Variants in RGSL1 observed in about 807,000 individuals in gnomAD.
RGSL1 encodes regulator of G protein signaling like 1, also known as regulator of G protein signaling protein-like.
A neutral mutation model predicts 124.7 loss-of-function variants in RGSL1; 97 were observed. The observed-to-expected ratio is 0.78, with a 90% CI of 0.66 to 0.92. RGSL1 has a LOEUF of 0.92. RGSL1 is among the 40% of genes least tolerant of loss of function. The pLI, the probability that RGSL1 is intolerant of heterozygous loss-of-function variation, is 0.00. For missense variants in RGSL1, 1,233 were observed against 1,288.4 expected (o/e 0.96, Z 0.66); for synonymous variants, 424 against 438.1 (o/e 0.97, Z 0.40).
rs867051673 is a variant in RGSL1, at chr1:182,452,447, C to T, written c.14-1511C>T. 3.3e-5 allele frequency among the ~76,000 whole-genome samples: 5 copies of T among 151,066 alleles called. No homozygotes were observed. In the South Asian group the frequency reaches 1.0e-3, roughly 32 times the overall value. On this transcript the variant is annotated intron_variant, in intron 1 of 21. Transcript: ENST00000294854. The stretch of plus-strand genomic sequence containing the variant: ...CTCTGTCACTCACAATAGTGTTTAT[C>T]TGGGTTTCCTTTTTTTTTTTTTTGA...
chr1:182,519,456 C>T (rs1186208981), intron 9 of RGSL1, among the ~76,000 whole-genome samples: 1 of 151,276 alleles, frequency 6.6e-6, no homozygotes, highest in African/African-American at 2.4e-5. Flanking sequence ...TGTCAGTTTT[C>T]ATTGACATTG....
At chr1:182,535,674 C>T (rs1659490365) in intron 14 of RGSL1, among the ~76,000 whole-genome samples, 1 of 152,192 alleles carries the variant, frequency 6.6e-6, no homozygotes, top group Non-Finnish European at 1.5e-5. Context: ...ACATTCCCCT[C>T]AAATTATCTG....
Position 182,493,056 on chromosome 1 carries a change from C to T in RGSL1, c.1752C>T (p.Tyr584=). ...ITKMSFEELC[Y]KNPKMAIQKI... is the part of the protein sequence containing the mutation. ...AAATGTCCTTTGAGGAGCTTTGCTACAAGAACCCAAAGATGGCCATACAGA... is the reference window on the plus strand; with the variant it reads ...AAATGTCCTTTGAGGAGCTTTGCTATAAGAACCCAAAGATGGCCATACAGA... The change falls in exon 9 of 22, where the codon TAC becomes TAT. Residue 584 remains tyrosine, a synonymous_variant. Coordinates refer to ENST00000294854, the MANE Select transcript of RGSL1 (RefSeq NM_001137669.2). 1 of 1,551,702 alleles carries T rather than the reference C, an allele frequency of 6.4e-7. No individual in the cohort carries two copies. The highest frequency in any genetic ancestry group is 1.7e-4 in the Middle Eastern group (1 of 5,994).
Position 182,532,735 on chromosome 1 carries a change from G to A in RGSL1, c.2438G>A (p.Ser813Asn), listed in dbSNP as rs1659264276. 1.9e-6 allele frequency: 3 copies of A among 1,550,984 alleles called. No individual in the cohort carries two copies. Among genetic ancestry groups the A allele is most frequent in the Non-Finnish European group, 2.6e-6 (3 of 1,146,514 alleles). Residue 813 changes from serine (S) to asparagine (N), a missense_variant, in exon 14 of 22, where the codon AGT becomes AAT. Transcript: ENST00000294854. ...TACCGCAGATTTATGTTGAATCCTA[G>A]TAAGCGCCAGGAATTTGAAGACTAT... ...CKYRRFMLNP[S>N]KRQEFEDYLH... is the part of the protein sequence containing the mutation.
At chr1:182,485,030 A>C (rs934192173) in intron 6 of RGSL1, among the ~76,000 whole-genome samples, 7 of 150,748 alleles carry the variant, frequency 4.6e-5, no homozygotes, top group African/African-American at 1.7e-4. Context: ...CACAGTGTCA[A>C]CTCCTTCTCT....
chr1:182,471,409 G>A (rs1227529836), intron 4 of RGSL1: 1 of 456,664 alleles, frequency 2.2e-6, no homozygotes, highest in African/African-American at 2.0e-5. Flanking sequence ...GGTTGTTCCT[G>A]GGGCTTTTGC....
intron 1 of RGSL1, 121 bp from the exon 2 acceptor site, chr1:182,453,837 A>G: frequency 1.5e-6 from 1 of 645,850 alleles, no homozygotes; most frequent in East Asian, 2.7e-5. Context: ...GCATGACCCT[A>G]GAGGCTGTCA....
rs1344881998 is a variant in RGSL1, at chr1:182,556,784, TC to T, written c.*165+563del. Among the ~76,000 whole-genome samples the T allele has an allele frequency of 6.6e-5, 10 of 152,202 alleles. No homozygotes were observed. The East Asian group carries it at 1.9e-3, about 29-fold the overall frequency. ...TTTGACCTAAAGCCCTAAACTATTG[TC>T]ATAATTTTAAATGAATAGGCCTATT... On this transcript the variant is annotated intron_variant, in intron 21 of 21. Transcript: ENST00000294854.
chr1:182,477,649 T>C (rs1053206910), intron 6 of RGSL1, among the ~76,000 whole-genome samples: 24 of 152,118 alleles, frequency 1.6e-4, no homozygotes, highest in African/African-American at 5.8e-4. Flanking sequence ...CTGCAGACCT[T>C]GAGACAGCCC....
intron 4 of RGSL1, 82 bp from the exon 5 acceptor site, chr1:182,472,314 A>G (rs1571508902): frequency 7.9e-7 from 1 of 1,265,778 alleles, no homozygotes; most frequent in Non-Finnish European, 1.1e-6. Flanking sequence ...CTGGTGGGGG[A>G]TGTCAGTTGA....
At chr1:182,512,510 C>T (rs1461175202) in intron 9 of RGSL1, among the ~76,000 whole-genome samples, 1 of 152,146 alleles carries the variant, frequency 6.6e-6, no homozygotes, top group Admixed American at 6.5e-5. Context: ...CGCAGACAGG[C>T]AGGTTCAGGA....
At position 182,533,337 on chromosome 1, in the gene RGSL1, C is replaced by G. The variant is rs151099089; in HGVS notation, c.2494+546C>G. Among the ~76,000 whole-genome samples, 975 of 143,404 alleles carry G rather than the reference C, an allele frequency of 6.8e-3. 15 individuals carry two copies. Among genetic ancestry groups the G allele is most frequent in the Middle Eastern group, 0.03 (8 of 264 alleles). 94.1% of individuals were successfully genotyped at this position (143,404 alleles called of 152,430 possible). On this transcript the variant is annotated intron_variant, in intron 14 of 21. Transcript: ENST00000294854. ...TTGTTCAACAATGTATCTTGGACAT[C>G]ATTTTATGTCAGTACACATATATCT...
intron 9 of RGSL1, among the ~76,000 whole-genome samples, chr1:182,497,899 C>G (rs748899231): frequency 6.6e-6 from 1 of 152,080 alleles, no homozygotes; most frequent in Non-Finnish European, 1.5e-5. Context: ...GTTCCCACCC[C>G]TCTTTTTGTA....
At chr1:182,453,724 C>T (rs917465028) in intron 1 of RGSL1, among the ~76,000 whole-genome samples, 5 of 152,140 alleles carry the variant, frequency 3.3e-5, no homozygotes, top group Admixed American at 1.3e-4. Flanking sequence ...TCTTCATAAA[C>T]GGAATGGGCA....
At chr1:182,481,095 T>G (rs780533139) in intron 6 of RGSL1, among the ~76,000 whole-genome samples, 1 of 151,776 alleles carries the variant, frequency 6.6e-6, no homozygotes, top group Non-Finnish European at 1.5e-5. Context: ...AAGAAGAGGA[T>G]GAAGATTAGA....
intron 9 of RGSL1, among the ~76,000 whole-genome samples, chr1:182,495,674 G>T (rs1655860316): frequency 6.6e-6 from 1 of 152,126 alleles, no homozygotes; most frequent in African/African-American, 2.4e-5. Context: ...CTGATAGAGG[G>T]CTTCAGCTGT....
At position 182,557,849 on chromosome 1, in the gene RGSL1, G is replaced by A. The variant is rs541388443; in HGVS notation, c.*165+1627G>A. ...CCTTCAAAGATCCCAGATCTAACAT[G>A]TTCTAATGCCAGTTAGTCTAGTGTC... is the stretch of plus-strand genomic sequence containing the variant. On this transcript the variant is annotated intron_variant, in intron 21 of 21. Transcript: ENST00000294854. 6.6e-5 allele frequency among the ~76,000 whole-genome samples: 10 copies of A among 152,288 alleles called. No homozygotes were observed. In the East Asian group the frequency reaches 1.5e-3, roughly 23 times the overall value.
At chr1:182,504,695 C>T (rs1254375769) in intron 9 of RGSL1, among the ~76,000 whole-genome samples, 2 of 151,974 alleles carry the variant, frequency 1.3e-5, no homozygotes, top group African/African-American at 4.8e-5. Flanking sequence ...TCATATGTGG[C>T]CACTGAAGTC....
chr1:182,449,191 T>C (rs1312522463), upstream of RGSL1: 2 of 152,194 alleles, frequency 1.3e-5, no homozygotes, highest in African/African-American at 4.8e-5. Context: ...CATCTTGCAA[T>C]ACATAGAACA....
Sources: allele counts gnomAD v4.1 joint callset (sites outside exome capture counted in the v4.1 genomes callset), GRCh38; gene constraint gnomAD v4.1.1; transcripts MANE v1.5; gene names NCBI Gene and HGNC (gene_info 2026-07-23, HGNC 2026-07-21).